Variants in TTR observed in about 807,000 individuals in gnomAD.
TTR encodes the protein epididymis luminal protein 111.
In TTR, 8 loss-of-function variants were observed where a neutral mutation model predicts 13.7. That is an observed-to-expected ratio of 0.58 (90% CI 0.34 to 1.05). The LOEUF (loss-of-function observed/expected upper bound fraction) is 1.05. Ranked by LOEUF, TTR falls within the 50% of genes least tolerant of loss-of-function variation. The probability of loss-of-function intolerance (pLI) is 0.02; values close to 1 mark genes in which losing one functional copy is unlikely to be tolerated. For missense variants in TTR, 135 were observed against 185.5 expected (o/e 0.73, Z 1.58); for synonymous variants, 75 against 71.7 (o/e 1.05, Z -0.23).
At position 31,591,988 on chromosome 18, in the gene TTR, C is replaced by T. The variant is rs746856186; in HGVS notation, c.69+17C>T. Reference sequence around the variant, plus strand: ...GGCCCTACGGTGAGTGTTTCTGTGACATCCCATTCCTACATTTAAGATTCA... The same window carrying T: ...GGCCCTACGGTGAGTGTTTCTGTGATATCCCATTCCTACATTTAAGATTCA... On this transcript the variant is annotated intron_variant, in intron 1 of 3. Transcript: ENST00000237014. The T allele has an allele frequency of 1.2e-6, 2 of 1,613,498 alleles. No individual in the cohort carries two copies. Among genetic ancestry groups the T allele is most frequent in the Admixed American group, 3.3e-5 (2 of 60,018 alleles).
Position 31,596,834 on chromosome 18 carries a change from A to G in TTR, c.336+1579A>G, listed in dbSNP as rs1408280054. ...GCTTGAAGCCCAGATAAATACGGAG[A>G]ACAAGAGAGAGCGAGTAGTGAGAGA... On this transcript the variant is annotated intron_variant, in intron 3 of 3. Coordinates refer to ENST00000237014, the MANE Select transcript of TTR (RefSeq NM_000371.4). Among the ~76,000 whole-genome samples the G allele has an allele frequency of 3.3e-5, 5 of 152,200 alleles. No homozygotes were observed. The East Asian group carries it at 9.7e-4, about 29-fold the overall frequency.
intron 2 of TTR, 108 bp downstream of exon 2, chr18:31,593,134 T>A: frequency 6.4e-7 from 1 of 1,556,332 alleles, no homozygotes; most frequent in Admixed American, 1.7e-5. Flanking sequence ...ACAAGTAGAT[T>A]GAAAAACGTA....
chr18:31,591,908 T>C lies in TTR; in HGVS notation c.6T>C (p.Ala2=). Residue 2 remains alanine (A), a synonymous_variant, in exon 1 of 4, where the codon GCT becomes GCC. Transcript: ENST00000237014. M[A]SHRLLLLCLA... ...GTCCACTCATTCTTGGCAGGATGGCTTCTCATCGTCTGCTCCTCCTCTGCC... is the reference window on the plus strand; with the variant it reads ...GTCCACTCATTCTTGGCAGGATGGCCTCTCATCGTCTGCTCCTCCTCTGCC... 1.2e-6 allele frequency: 2 copies of C among 1,614,196 alleles called. No individual in the cohort carries two copies. Among genetic ancestry groups the C allele is most frequent in the South Asian group, 2.2e-5 (2 of 91,076 alleles).
intron 2 of TTR, chr18:31,593,438 G>A: frequency 3.9e-6 from 1 of 254,468 alleles, no homozygotes; most frequent in South Asian, 5.3e-5. Flanking sequence ...TAACACCAAA[G>A]CTAAGTGTCC....
In TTR at chr18:31,595,260, G is replaced by A. The variant is rs2073511528; in HGVS notation, c.336+5G>A. 6.2e-7 allele frequency: 1 copy of A among 1,614,052 alleles called. No individual in the cohort carries two copies. The highest frequency in any genetic ancestry group is 1.3e-5 in the African/African-American group (1 of 74,928). Reference sequence around the variant, plus strand: ...CCATTCCATGAGCATGCAGAGGTGAGTATACAGACCTTCGAGGGTTGTTTT... The same window carrying A: ...CCATTCCATGAGCATGCAGAGGTGAATATACAGACCTTCGAGGGTTGTTTT... On this transcript the variant is annotated splice_donor_5th_base_variant and intron_variant, in intron 3 of 3. Coordinates refer to ENST00000237014, the MANE Select transcript of TTR (RefSeq NM_000371.4).
At chr18:31,593,750 C>A (rs2073499891) in intron 2 of TTR, among the ~76,000 whole-genome samples, 1 of 152,150 alleles carries the variant, frequency 6.6e-6, no homozygotes, top group Admixed American at 6.5e-5. Context: ...TTAGCCAGTT[C>A]ACAATTTTCA....
chr18:31,592,103 A>C (rs559914647), intron 1 of TTR, 132 bp downstream of exon 1: 1 of 890,434 alleles, frequency 1.1e-6, no homozygotes, highest in South Asian at 1.5e-5. Context: ...TTTTAATATA[A>C]TTAATTCAAA....
At position 31,592,953 on chromosome 18, in the gene TTR, A is replaced by C. The variant is rs11541800; in HGVS notation, c.127A>C (p.Ser43Arg). Residue 43 changes from serine to arginine, a missense_variant, in exon 2 of 4, where the codon AGT becomes CGT. Physicochemically the swap from Ser to Arg is moderately radical, Grantham distance 110 (BLOSUM62 -1). Coordinates refer to ENST00000237014, the MANE Select transcript of TTR (RefSeq NM_000371.4). ...CAAAGTTCTAGATGCTGTCCGAGGC[A>C]GTCCTGCCATCAATGTGGCCGTGCA... ...MVKVLDAVRG[S>R]PAINVAVHVF... 6.2e-7 allele frequency: 1 copy of C among 1,614,038 alleles called. No homozygotes were observed. The highest frequency in any genetic ancestry group is 2.2e-5 in the East Asian group (1 of 44,898).
intron 3 of TTR, among the ~76,000 whole-genome samples, chr18:31,597,868 T>A (rs1791227): frequency 6.6e-6 from 1 of 152,190 alleles, no homozygotes; most frequent in Admixed American, 6.5e-5. Flanking sequence ...TTAAATGAGC[T>A]CTAGTGCATG....
At chr18:31,592,621 C>T (rs1445573155) in intron 1 of TTR, among the ~76,000 whole-genome samples, 6 of 152,152 alleles carry the variant, frequency 3.9e-5, no homozygotes, top group Non-Finnish European at 8.8e-5. Flanking sequence ...AACAAAGCAA[C>T]TGTTCTCAGG....
At chr18:31,592,785 T>C in intron 1 of TTR, 111 bp from the exon 2 acceptor site, 2 of 1,406,588 alleles carry the variant, frequency 1.4e-6, no homozygotes, top group South Asian at 2.3e-5. Context: ...TTCCTGATAA[T>C]GGGATCAGTG....
chr18:31,595,741 A>G (rs1041193265), intron 3 of TTR: 2 of 340,930 alleles, frequency 5.9e-6, no homozygotes, highest in Non-Finnish European at 1.1e-5. Context: ...CACAATAGAT[A>G]ACATTTACCA....
intron 3 of TTR, 31 bp downstream of exon 3, chr18:31,595,286 G>T (rs1379542295): frequency 6.2e-7 from 1 of 1,613,956 alleles, no homozygotes; most frequent in Non-Finnish European, 8.5e-7. Context: ...GGGTTGTTTT[G>T]GTTTTGGTTT....
rs730881162 is a variant in TTR, at chr18:31,598,670, G to T, written c.439G>T (p.Glu147Ter). 1.5e-5 allele frequency: 24 copies of T among 1,614,152 alleles called. No individual in the cohort carries two copies. The South Asian group carries it at 2.5e-4, about 17-fold the overall frequency. Residue 147 changes from glutamate (E) to a stop codon, truncating the protein, a stop_gained, in exon 4 of 4, where the codon GAA (glutamate) becomes TAA (stop). Coordinates refer to ENST00000237014, the MANE Select transcript of TTR (RefSeq NM_000371.4). LOFTEE classifies it high-confidence loss of function. ...STTAVVTNPK[E>*] The stretch of plus-strand genomic sequence containing the variant: ...CACGGCTGTCGTCACCAATCCCAAG[G>T]AATGAGGGACTTCTCCTCCAGTGGA...
At chr18:31,595,547 T>C in intron 3 of TTR, 1 of 504,552 alleles carries the variant, frequency 2.0e-6, no homozygotes, top group Non-Finnish European at 3.8e-6. Flanking sequence ...GTTGAAATAA[T>C]AGTTTATGAG....
At chr18:31,594,901 A>C (rs2073508596) in intron 2 of TTR, among the ~76,000 whole-genome samples, 1 of 152,122 alleles carries the variant, frequency 6.6e-6, no homozygotes, top group Non-Finnish European at 1.5e-5. Flanking sequence ...TCTTCTTATC[A>C]GAGAAAAAAA....
At chr18:31,593,845 A>G (rs1166392085) in intron 2 of TTR, among the ~76,000 whole-genome samples, 1 of 152,242 alleles carries the variant, frequency 6.6e-6, no homozygotes, top group African/African-American at 2.4e-5. Flanking sequence ...AGACAGAGCA[A>G]TCAGGAGACC....
intron 1 of TTR, 23 bp downstream of exon 1, chr18:31,591,994 A>G: frequency 6.2e-7 from 1 of 1,613,246 alleles, no homozygotes; most frequent in Non-Finnish European, 8.5e-7. Context: ...GTGACATCCC[A>G]TTCCTACATT....
chr18:31,594,989 C>T (rs2073509222), intron 2 of TTR, 131 bp from the exon 3 acceptor site: 1 of 1,061,242 alleles, frequency 9.4e-7, no homozygotes, highest in Non-Finnish European at 1.4e-6. Flanking sequence ...CTACTTCTGA[C>T]TTAGTTGAGG....
Sources: allele counts gnomAD v4.1 joint callset (sites outside exome capture counted in the v4.1 genomes callset), GRCh38; gene constraint gnomAD v4.1.1; transcripts MANE v1.5; gene names NCBI Gene and HGNC (gene_info 2026-07-23, HGNC 2026-07-21).